Variants in FMNL1 observed in about 807,000 individuals in gnomAD.
FMNL1 encodes formin-like protein 1.
FMNL1 carries 43 observed loss-of-function variants against 121.3 expected under a neutral mutation model. That is an observed-to-expected ratio of 0.35 (90% CI 0.28 to 0.46). FMNL1 has a LOEUF of 0.46. Ranked by LOEUF, FMNL1 falls within the 20% of genes least tolerant of loss-of-function variation. The pLI is 1.00. For synonymous variants in FMNL1, 613 were observed against 613.5 expected (o/e 1.00, Z 0.01); for missense variants, 1,191 against 1,482.4 (o/e 0.80, Z 3.23).
At position 45,238,549 on chromosome 17, in the gene FMNL1, A is replaced by C. The variant is rs1337437405; in HGVS notation, c.895-15A>C. On this transcript the variant is annotated splice_polypyrimidine_tract_variant and intron_variant, in intron 9 of 26. Coordinates refer to ENST00000331495, the MANE Select transcript of FMNL1 (RefSeq NM_005892.4). Reference sequence around the variant, plus strand: ...GTGTCACTGGGCCTCAGTGAGAGCCATTCCCCTTACCCAGGTGTGTGGGGA... The same window carrying C: ...GTGTCACTGGGCCTCAGTGAGAGCCCTTCCCCTTACCCAGGTGTGTGGGGA... The C allele has an allele frequency of 6.2e-7, 1 of 1,613,818 alleles. No individual in the cohort carries two copies. Among genetic ancestry groups the C allele is most frequent in the African/African-American group, 1.3e-5 (1 of 74,924 alleles).
At chr17:45,227,168 A>AG (rs1330658138) in intron 1 of FMNL1, among the ~76,000 whole-genome samples, 3 of 152,090 alleles carry the variant, frequency 2.0e-5, no homozygotes, top group Admixed American at 2.0e-4. Flanking sequence ...GTCCAAGTTC[A>AG]GGGGTACCCT....
chr17:45,246,126 C>T (rs778350490), intron 24 of FMNL1, 84 bp from the exon 25 acceptor site: 3 of 1,548,694 alleles, frequency 1.9e-6, no homozygotes, highest in East Asian at 2.3e-5. Flanking sequence ...AGCCAGCTGT[C>T]CTTGCTGTGG....
intron 1 of FMNL1, among the ~76,000 whole-genome samples, chr17:45,224,626 A>G (rs2043296513): frequency 6.6e-6 from 1 of 151,816 alleles, no homozygotes; most frequent in African/African-American, 2.4e-5. Context: ...TGGCTGTAGG[A>G]CCTCTCTTGT....
At chr17:45,244,431 C>T (rs1005821801) in intron 19 of FMNL1, among the ~76,000 whole-genome samples, 187 bp downstream of exon 19, 1 of 152,206 alleles carries the variant, frequency 6.6e-6, no homozygotes, top group Non-Finnish European at 1.5e-5. Context: ...TAGCAGCTCA[C>T]CTGGGACCCT....
chr17:45,243,067 G>A, intron 16 of FMNL1, 51 bp from the exon 17 acceptor site: 2 of 1,596,800 alleles, frequency 1.3e-6, no homozygotes, highest in Non-Finnish European at 1.7e-6. Context: ...AGCCAGGAGA[G>A]TGCCAGACCC....
Position 45,233,217 on chromosome 17 carries a change from T to C in FMNL1, c.328-7T>C. ...ACCCACCAGCCTTCCCTGTTCTCGG[T>C]CCCCAGTTTAAGAGGCGAGTTCAGG... On this transcript the variant is annotated splice_region_variant and splice_polypyrimidine_tract_variant and intron_variant, in intron 3 of 26. Transcript: ENST00000331495. The surrounding 1 kb of genome is among the most constrained non-coding windows in gnomAD (Gnocchi z 4.1). The C allele has an allele frequency of 6.4e-7, 1 of 1,554,314 alleles. No homozygotes were observed. The highest frequency in any genetic ancestry group is 8.7e-7 in the Non-Finnish European group (1 of 1,148,678).
In FMNL1 at chr17:45,224,176, T is replaced by C. The variant is rs533077102; in HGVS notation, c.129+1923T>C. On this transcript the variant is annotated intron_variant, in intron 1 of 26. Transcript: ENST00000331495. The stretch of plus-strand genomic sequence containing the variant: ...TCTTCCCGGGGTGGCTCAGCCTGTC[T>C]TATATCCTGTTGTGGGCAGGTTAAA... 1.1e-4 allele frequency among the ~76,000 whole-genome samples: 16 copies of C among 152,294 alleles called. No homozygotes were observed. In the East Asian group the frequency reaches 2.1e-3, roughly 20 times the overall value.
chr17:45,225,116 G>C (rs189860795), intron 1 of FMNL1, among the ~76,000 whole-genome samples: 3 of 152,402 alleles, frequency 2.0e-5, no homozygotes, highest in East Asian at 1.9e-4. Flanking sequence ...GGTGTCAGGG[G>C]TGGTGTACGT....
At chr17:45,228,845 C>T (rs534446689) in intron 1 of FMNL1, among the ~76,000 whole-genome samples, 12 of 145,762 alleles carry the variant, frequency 8.2e-5, no homozygotes, top group African/African-American at 2.9e-4. Flanking sequence ...TCTTTTGTGC[C>T]GGCCACGGCT....
chr17:45,230,036 G>A (rs1265199592), intron 1 of FMNL1, among the ~76,000 whole-genome samples: 6 of 152,352 alleles, frequency 3.9e-5, no homozygotes, highest in Admixed American at 2.0e-4. Context: ...GGGCTGGAGA[G>A]GGATGAGGAG....
intron 25 of FMNL1, 32 bp downstream of exon 25, chr17:45,246,362 TCA>T (rs1263318239): frequency 6.2e-7 from 1 of 1,613,986 alleles, no homozygotes; most frequent in Non-Finnish European, 8.5e-7. Context: ...GGTCTTATCC[TCA>T]GTCTGTCCTT....
At position 45,227,069 on chromosome 17, in the gene FMNL1, T is replaced by C. The variant is rs373460996; in HGVS notation, c.130-3535T>C. On this transcript the variant is annotated intron_variant, in intron 1 of 26. Coordinates refer to ENST00000331495, the MANE Select transcript of FMNL1 (RefSeq NM_005892.4). Reference sequence around the variant, plus strand: ...GGTGGGCAGGTGGCAGGGAGATGGATGGGGGAGTGGGGGCTGGGGGACAGG... The same window carrying C: ...GGTGGGCAGGTGGCAGGGAGATGGACGGGGGAGTGGGGGCTGGGGGACAGG... Among the ~76,000 whole-genome samples the C allele has an allele frequency of 9.5e-4, 133 of 139,740 alleles. 4 individuals are homozygous for C. Among genetic ancestry groups the C allele is most frequent in the African/African-American group, 3.5e-3 (127 of 36,678 alleles). 91.7% of individuals were successfully genotyped at this position (139,740 alleles called of 152,430 possible). A position where few individuals can be genotyped will look rare whatever the true frequency, so the allele number is the denominator to read the frequency against.
In FMNL1 at chr17:45,231,804, C is replaced by T. The variant is rs9908320; in HGVS notation, c.214-563C>T. Among the ~76,000 whole-genome samples the T allele has an allele frequency of 0.072, 10,960 of 152,158 alleles. 405 individuals are homozygous for T. The highest frequency in any genetic ancestry group is 0.12 in the Admixed American group (1,772 of 15,282). Reference sequence around the variant, plus strand: ...CTACCCAGGTGCTGGGTCCCCTTCACGAGGCACCTCCAGCCGTCCTTCCCC... The same window carrying T: ...CTACCCAGGTGCTGGGTCCCCTTCATGAGGCACCTCCAGCCGTCCTTCCCC... On this transcript the variant is annotated intron_variant, in intron 2 of 26. Coordinates refer to ENST00000331495, the MANE Select transcript of FMNL1 (RefSeq NM_005892.4). The surrounding 1 kb of genome is among the most constrained non-coding windows in gnomAD (Gnocchi z 4.7).
At position 45,246,335 on chromosome 17, in the gene FMNL1, G is replaced by A; in HGVS notation, c.3211+5G>A. 1 of 1,614,090 alleles carries A rather than the reference G, an allele frequency of 6.2e-7. No individual in the cohort carries two copies. The highest frequency in any genetic ancestry group is 1.1e-5 in the South Asian group (1 of 91,086). On this transcript the variant is annotated splice_donor_5th_base_variant and intron_variant, in intron 25 of 26. Coordinates refer to ENST00000331495, the MANE Select transcript of FMNL1 (RefSeq NM_005892.4). ...CCATTGAAGACATCATCACAGGTAA[G>A]GGCTTGGCCAGGCCTTGGTCTTATC...
intron 1 of FMNL1, among the ~76,000 whole-genome samples, chr17:45,229,333 G>A (rs902848888): frequency 6.6e-6 from 1 of 152,242 alleles, no homozygotes; most frequent in Non-Finnish European, 1.5e-5. Flanking sequence ...GATTTTGGGG[G>A]TAAGGTCTGG....
intron 6 of FMNL1, chr17:45,234,713 C>CA (rs58750306): frequency 0.27 from 44,540 of 165,522 alleles, 7,616 homozygotes; most frequent in African/African-American, 0.49. Flanking sequence ...AAGAAGCCAT[C>CA]GGGGTGGGCA....
chr17:45,245,994 T>G, intron 24 of FMNL1, 21 bp downstream of exon 24: 1 of 1,538,232 alleles, frequency 6.5e-7, no homozygotes, highest in Non-Finnish European at 8.7e-7. Flanking sequence ...GCTCCTGGGC[T>G]TGGTACTGGG....
At chr17:45,227,896 G>A (rs960037826) in intron 1 of FMNL1, among the ~76,000 whole-genome samples, 1 of 152,168 alleles carries the variant, frequency 6.6e-6, no homozygotes, top group Non-Finnish European at 1.5e-5. Context: ...CAGAGCCTGG[G>A]TCTTTTGAAG....
rs779041246 is a variant in FMNL1 at position 45,237,630 on chromosome 17, C to T, written c.885C>T (p.Asn295=). ...GHDIILAAFD[N]FKEVCGEQHR... is the part of the protein sequence containing the mutation. ...ACATCATCCTTGCAGCCTTTGACAA[C>T]TTCAAGGAGGTACCGGAGTCCCTCA... Residue 295 remains asparagine, a synonymous_variant, in exon 9 of 27, where the codon AAC becomes AAT. Transcript: ENST00000331495. The surrounding 1 kb of genome is among the most constrained non-coding windows in gnomAD (Gnocchi z 4.4). 9 of 1,614,162 alleles carry T rather than the reference C, an allele frequency of 5.6e-6. No individual in the cohort carries two copies. Among genetic ancestry groups the T allele is most frequent in the Admixed American group, 1.7e-5 (1 of 60,032 alleles).
Sources: allele counts gnomAD v4.1 joint callset (sites outside exome capture counted in the v4.1 genomes callset), GRCh38; gene constraint gnomAD v4.1.1; non-coding constraint Gnocchi (gnomAD v3.1); transcripts MANE v1.5; gene names NCBI Gene and HGNC (gene_info 2026-07-23, HGNC 2026-07-21).